The following MIB1 variants were observed in gnomAD, a reference collection of about 807,000 sequenced individuals.
MIB1 encodes MIB E3 ubiquitin protein ligase 1.
MIB1 carries 278 observed loss-of-function variants against 124.5 expected under a neutral mutation model. The ratio of observed to expected loss-of-function variants is 2.23; its 90% CI spans 2.02 to 2.47. MIB1 has a LOEUF of 2.47. Among genes scored for constraint, MIB1 ranks in the 30% most tolerant of loss-of-function variants. The probability of loss-of-function intolerance (pLI) is 0.00; values close to 1 mark genes in which losing one functional copy is unlikely to be tolerated. For missense variants in MIB1, 957 were observed against 1,254.4 expected (o/e 0.76, Z 3.58); for synonymous variants, 446 against 429.4 (o/e 1.04, Z -0.48).
At chr18:21,794,506 C>T (rs2041551600) in intron 7 of MIB1, among the ~76,000 whole-genome samples, 1 of 149,406 alleles carries the variant, frequency 6.7e-6, no homozygotes, top group Admixed American at 6.7e-5. Context: ...AAAACTAAAC[C>T]CAAATAAATG....
In MIB1 at chr18:21,819,592, CA is replaced by C; in HGVS notation, c.1778del (p.Asn593ThrfsTer13). ...LLEAGADVTITNNNGFNALHH... is the reference protein window; with the variant it reads ...LLEAGADVTIXNNNGFNALHH... Reference sequence around the variant, plus strand: ...GAAGCTGGAGCAGATGTTACCATCACAAACAATAATGGATTTAATGCTCTGC... The same window carrying C: ...GAAGCTGGAGCAGATGTTACCATCACAACAATAATGGATTTAATGCTCTGC... On this transcript the variant is annotated frameshift_variant, in exon 12 of 21. Coordinates refer to ENST00000261537, the MANE Select transcript of MIB1 (RefSeq NM_020774.4). LOFTEE classifies it high-confidence loss of function. 1 of 1,611,874 alleles carries C rather than the reference CA, an allele frequency of 6.2e-7. No individual in the cohort carries two copies.
chr18:21,802,078 G>A (rs1464152658), intron 9 of MIB1, among the ~76,000 whole-genome samples: 2 of 152,080 alleles, frequency 1.3e-5, no homozygotes, highest in Non-Finnish European at 2.9e-5. Context: ...TTGGAATAGA[G>A]TTCTAGGTTA....
chr18:21,804,358 G>C (rs1484792471), intron 10 of MIB1, among the ~76,000 whole-genome samples: 1 of 152,188 alleles, frequency 6.6e-6, no homozygotes, highest in Non-Finnish European at 1.5e-5. Flanking sequence ...AATCTTTCCT[G>C]ATCTCTGTGA....
intron 12 of MIB1, among the ~76,000 whole-genome samples, chr18:21,835,840 A>ACACACACACACACACACACAAACAC (rs1555695330): frequency 1.6e-4 from 17 of 108,062 alleles, no homozygotes; most frequent in South Asian, 6.9e-4. Context: ...CACACACACA[A>ACACACACACACACACACACAAACAC]ACACACACGA....
At chr18:21,775,227 G>A (rs553501809) in intron 4 of MIB1, among the ~76,000 whole-genome samples, 42 of 151,670 alleles carry the variant, frequency 2.8e-4, no homozygotes, top group Non-Finnish European at 4.6e-4. Context: ...TTACAGGCGC[G>A]AGCCACCACG....
At chr18:21,740,720 C>G (rs1037519615), upstream of MIB1, among the ~76,000 whole-genome samples, 2 of 152,246 alleles carry the variant, frequency 1.3e-5, no homozygotes, top group Non-Finnish European at 2.9e-5. Flanking sequence ...CCTGGGCCCG[C>G]CCCTCCATCG....
chr18:21,863,690 T>C (rs2042296168), intron 20 of MIB1, among the ~76,000 whole-genome samples: 1 of 151,834 alleles, frequency 6.6e-6, no homozygotes, highest in Non-Finnish European at 1.5e-5. Context: ...AACAATCGAT[T>C]GGTAAAAAGA....
rs577853825 is a variant in MIB1 at position 21,769,622 on chromosome 18, T to C, written c.531+870T>C. On this transcript the variant is annotated intron_variant, in intron 3 of 20. Coordinates refer to ENST00000261537, the MANE Select transcript of MIB1 (RefSeq NM_020774.4). The stretch of plus-strand genomic sequence containing the variant: ...ATATCTTACTTAGCTTACTGTCTCT[T>C]TTGGTAGGACACACATTCTAGTAAC... Among the ~76,000 whole-genome samples the C allele has an allele frequency of 1.1e-4, 16 of 152,298 alleles. No homozygotes were observed. In the South Asian group the frequency reaches 2.5e-3, roughly 24 times the overall value.
chr18:21,791,886 G>C (rs2041508625), intron 7 of MIB1, among the ~76,000 whole-genome samples: 1 of 152,176 alleles, frequency 6.6e-6, no homozygotes, highest in South Asian at 2.1e-4. Context: ...AGCAGTGCTG[G>C]ACCAGTGCAG....
chr18:21,719,603 C>T (rs553276046), intron 1 of MIB1, among the ~76,000 whole-genome samples: 100 of 151,086 alleles, frequency 6.6e-4, no homozygotes, highest in African/African-American at 2.4e-3. Context: ...TACGTCACCA[C>T]GCTGGGCTAT....
chr18:21,820,747 C>G (rs922076690), intron 12 of MIB1, among the ~76,000 whole-genome samples: 1 of 152,184 alleles, frequency 6.6e-6, no homozygotes, highest in Non-Finnish European at 1.5e-5. Flanking sequence ...ATCCTTTCAA[C>G]AGCTTTTTGG....
chr18:21,751,541 C>T (rs961344381), intron 1 of MIB1, among the ~76,000 whole-genome samples: 10 of 152,036 alleles, frequency 6.6e-5, no homozygotes, highest in Non-Finnish European at 1.3e-4. Flanking sequence ...GGATTACAGG[C>T]GTGACCTGCC....
chr18:21,707,438 C>G (rs972609693), intron 1 of MIB1, among the ~76,000 whole-genome samples: 2 of 152,192 alleles, frequency 1.3e-5, no homozygotes, highest in African/African-American at 4.8e-5. Context: ...GCAGAGGCAA[C>G]CTACTGGGGT....
rs752140396 is a variant in MIB1, at chr18:21,803,935, C to CTA, written c.1402_1403dup (p.Met468IlefsTer14). ...AATGGGCAATGTGCTGGCCACACAG[C>CTA]TATGCAAGCTGCTAGTCAGAATGGA... is the stretch of plus-strand genomic sequence containing the variant. On this transcript the variant is annotated frameshift_variant, in exon 10 of 21. Transcript: ENST00000261537. LOFTEE classifies it high-confidence loss of function. 1 of 1,613,550 alleles carries CTA rather than the reference C, an allele frequency of 6.2e-7. No individual in the cohort carries two copies. Among genetic ancestry groups the CTA allele is most frequent in the Non-Finnish European group, 8.5e-7 (1 of 1,179,726 alleles).
intron 6 of MIB1, among the ~76,000 whole-genome samples, chr18:21,784,954 C>G (rs1175746448): frequency 6.6e-6 from 1 of 152,196 alleles, no homozygotes; most frequent in Admixed American, 6.5e-5. Context: ...GGTCACGTTC[C>G]TGGTCCACTT....
chr18:21,708,517 A>T (rs1484140746), intron 1 of MIB1, among the ~76,000 whole-genome samples: 6 of 152,118 alleles, frequency 3.9e-5, no homozygotes, highest in African/African-American at 1.4e-4. Flanking sequence ...TTAGCTGGGC[A>T]TGGTGGTGGG....
intron 1 of MIB1, among the ~76,000 whole-genome samples, chr18:21,722,018 T>G (rs2040717735): frequency 6.6e-6 from 1 of 152,142 alleles, no homozygotes; most frequent in South Asian, 2.1e-4. Context: ...CTTCCTAGTT[T>G]CTTCTGGTCT....
chr18:21,741,425 C>A lies in MIB1; in HGVS notation c.-159C>A. 3.1e-6 allele frequency: 1 copy of A among 320,728 alleles called. No individual in the cohort carries two copies. Among genetic ancestry groups the A allele is most frequent in the Non-Finnish European group, 5.2e-6 (1 of 190,578 alleles). The allele number at this position is 320,728 out of a possible 1,614,324, so 19.9% of individuals were successfully genotyped here. A position where few individuals can be genotyped will look rare whatever the true frequency, so the allele number is the denominator to read the frequency against. Reference sequence around the variant, plus strand: ...CAGCGGCTTTGGGCTCCGCGGGGACCGCGCCGCCGCCCCCGTGAGTTATTC... The same window carrying A: ...CAGCGGCTTTGGGCTCCGCGGGGACAGCGCCGCCGCCCCCGTGAGTTATTC... On this transcript the variant is annotated 5_prime_UTR_variant, in exon 1 of 21. Coordinates refer to ENST00000261537, the MANE Select transcript of MIB1 (RefSeq NM_020774.4). This position sits in a 1 kb window ranked among gnomAD's most constrained non-coding sequence, Gnocchi z 5.4.
chr18:21,737,425 T>C (rs1276042238), upstream of MIB1, among the ~76,000 whole-genome samples: 1 of 152,072 alleles, frequency 6.6e-6, no homozygotes, highest in Admixed American at 6.6e-5. Context: ...CTGAAAAACA[T>C]GCCAAATTTT....
Sources: allele counts gnomAD v4.1 joint callset (sites outside exome capture counted in the v4.1 genomes callset), GRCh38; gene constraint gnomAD v4.1.1; non-coding constraint Gnocchi (gnomAD v3.1); transcripts MANE v1.5; gene names NCBI Gene and HGNC (gene_info 2026-07-23, HGNC 2026-07-21).